Variants in ELAVL4 observed in about 807,000 individuals in gnomAD.
ELAVL4 encodes the protein ELAV like RNA binding protein 4, also known as ELAV-like protein 4.
ELAVL4 carries 1 observed loss-of-function variant against 35.6 expected under a neutral mutation model. The observed-to-expected ratio is 0.03, with a 90% confidence interval of 0.01 to 0.13. ELAVL4 has a LOEUF of 0.13. Among genes scored for constraint, ELAVL4 ranks in the 10% least tolerant of loss-of-function variants. The pLI, the probability that ELAVL4 is intolerant of heterozygous loss-of-function variation, is 1.00. For missense variants in ELAVL4, 267 were observed against 464.9 expected, an observed-to-expected ratio of 0.57 and a Z score of 3.91; for synonymous variants, 156 against 171.0, an observed-to-expected ratio of 0.91 and a Z score of 0.69.
intron 2 of ELAVL4, among the ~76,000 whole-genome samples, chr1:50,151,113 A>T (rs1674707519): frequency 6.6e-6 from 1 of 152,188 alleles, no homozygotes; most frequent in African/African-American, 2.4e-5. Context: ...ATTACTGGCC[A>T]ACGTGACTTA....
At chr1:50,099,784 C>T (rs1245503496), upstream of ELAVL4, among the ~76,000 whole-genome samples, 1 of 152,064 alleles carries the variant, frequency 6.6e-6, no homozygotes, top group Admixed American at 6.6e-5. Context: ...ACACCACTTC[C>T]AAGCCTGGAG....
chr1:50,155,330 C>G lies in ELAVL4; in HGVS notation c.250+10133C>G, dbSNP rs148972174. Among the ~76,000 whole-genome samples, 1,069 of 152,222 alleles carry G rather than the reference C, an allele frequency of 7.0e-3. 5 individuals are homozygous for G. The highest frequency in any genetic ancestry group is 0.024 in the Middle Eastern group (7 of 294). On this transcript the variant is annotated intron_variant, in intron 2 of 6. Coordinates refer to ENST00000371824, the MANE Select transcript of ELAVL4 (RefSeq NM_001144774.3). ...TCTCAAGTAGTTACCAGAATCCCCA[C>G]ACCCTCTCCCACCACTGGCCCTGTA...
chr1:50,136,219 A>G (rs778312423), intron 1 of ELAVL4, among the ~76,000 whole-genome samples: 3 of 152,144 alleles, frequency 2.0e-5, no homozygotes, highest in Non-Finnish European at 2.9e-5. Flanking sequence ...ACAAAAAAAA[A>G]TAATGTCTGT....
intron 2 of ELAVL4, among the ~76,000 whole-genome samples, chr1:50,173,669 G>A (rs930196135): frequency 7.9e-5 from 12 of 152,116 alleles, no homozygotes; most frequent in East Asian, 1.9e-4. Context: ...TTCAATAAAT[G>A]TAACTTTGAT....
rs1374158500 is a variant in ELAVL4, at chr1:50,201,031, C to T, written c.954C>T (p.Phe318=). ...AVNNVKVIRD[F]NTNKCKGFGF... ...ACAACGTAAAGGTGATTCGTGACTT[C>T]AACACCAACAAGTGCAAGGGATTCG... The change falls in exon 7 of 7, where the codon TTC becomes TTT. Residue 318 remains phenylalanine (F), a synonymous_variant. Transcript: ENST00000371824. This position sits in a 1 kb window ranked among gnomAD's most constrained non-coding sequence, Gnocchi z 4.3. 1.9e-6 allele frequency: 3 copies of T among 1,613,976 alleles called. No individual in the cohort carries two copies. The East Asian group carries it at 6.7e-5, about 36-fold the overall frequency.
chr1:50,077,083 C>T (rs755010279), intron 1 of ELAVL4, among the ~76,000 whole-genome samples: 4 of 152,114 alleles, frequency 2.6e-5, no homozygotes, highest in Non-Finnish European at 5.9e-5. Context: ...CTATACTGCA[C>T]AGCTTATCCT....
intron 1 of ELAVL4, among the ~76,000 whole-genome samples, chr1:50,088,305 C>T (rs979495241): frequency 6.6e-6 from 1 of 152,118 alleles, no homozygotes; most frequent in Non-Finnish European, 1.5e-5. Context: ...TAATTATAGG[C>T]GAATACACAT....
At chr1:50,132,786 A>G (rs1376199752) in intron 1 of ELAVL4, among the ~76,000 whole-genome samples, 1 of 152,164 alleles carries the variant, frequency 6.6e-6, no homozygotes, top group Non-Finnish European at 1.5e-5. Flanking sequence ...TTTCTTTTTT[A>G]AAAAACAACT....
At chr1:50,147,099 A>G (rs1167410038) in intron 2 of ELAVL4, among the ~76,000 whole-genome samples, 2 of 152,144 alleles carry the variant, frequency 1.3e-5, no homozygotes, top group Non-Finnish European at 2.9e-5. Context: ...AGAGACATAC[A>G]GTAGCATCTG....
chr1:50,093,126 TAAGTGGGGAC>T (rs1451835509), intron 1 of ELAVL4, among the ~76,000 whole-genome samples: 1 of 152,192 alleles, frequency 6.6e-6, no homozygotes, highest in Admixed American at 6.5e-5. Flanking sequence ...TCATCAAGGA[TAAGTGGGGAC>T]AAGTGTTCCA....
At chr1:50,179,682 A>AG (rs1469638711) in intron 3 of ELAVL4, 4 of 152,214 alleles carry the variant, frequency 2.6e-5, no homozygotes, top group African/African-American at 7.2e-5. Context: ...TACATTACAG[A>AG]GGTCTCAGGA....
intron 3 of ELAVL4, among the ~76,000 whole-genome samples, chr1:50,190,982 T>G (rs1226033989): frequency 6.6e-6 from 1 of 152,224 alleles, no homozygotes. Context: ...TTCCCGGCCC[T>G]TTTAACCTTT....
At chr1:50,113,220 CT>C (rs560487194) in intron 1 of ELAVL4, among the ~76,000 whole-genome samples, 12,328 of 144,062 alleles carry the variant, frequency 0.086, 1,431 homozygotes, top group African/African-American at 0.27. Context: ...CAGAGTAAGT[CT>C]TTTTTTTTTT....
chr1:50,055,285 GTTTTGTTTTTGT>G (rs570949851), intron 1 of ELAVL4, among the ~76,000 whole-genome samples: 34 of 149,306 alleles, frequency 2.3e-4, no homozygotes, highest in African/African-American at 4.4e-4. Flanking sequence ...TTTTTTTTTT[GTTTTGTTTTTGT>G]TTTTGTTTTT....
At chr1:50,197,610 A>T in intron 6 of ELAVL4, 143 bp downstream of exon 6, 1 of 679,912 alleles carries the variant, frequency 1.5e-6, no homozygotes, top group Non-Finnish European at 2.3e-6. Context: ...TCTTAATTTT[A>T]ATTTCGGACC....
chr1:50,145,120 C>G lies in ELAVL4; in HGVS notation c.173C>G (p.Thr58Ser), dbSNP rs1673469469. The change falls in exon 2 of 7, where the codon ACC (threonine) becomes AGC (serine). Residue 58 changes from threonine (T) to serine (S), a missense_variant. By Grantham distance (58) the Thr-to-Ser change is moderately conservative (BLOSUM62 1). Coordinates refer to ENST00000371824, the MANE Select transcript of ELAVL4 (RefSeq NM_001144774.3). ...LIVNYLPQNMTQEEFRSLFGS... is the reference protein window; with the variant it reads ...LIVNYLPQNMSQEEFRSLFGS... ...GTCAACTATTTACCCCAGAATATGA[C>G]CCAAGAAGAATTCAGGAGTCTCTTC... 1 of 1,613,944 alleles carries G rather than the reference C, an allele frequency of 6.2e-7. No individual in the cohort carries two copies. Among genetic ancestry groups the G allele is most frequent in the Non-Finnish European group, 8.5e-7 (1 of 1,179,924 alleles).
chr1:50,089,972 T>C (rs756718922), intron 1 of ELAVL4, among the ~76,000 whole-genome samples: 3 of 152,218 alleles, frequency 2.0e-5, no homozygotes, highest in East Asian at 1.9e-4. Flanking sequence ...TTAAGAGTCA[T>C]GTAAAAGCCT....
upstream of ELAVL4, chr1:50,105,636 G>T (rs1666241788): frequency 6.6e-6 from 1 of 152,158 alleles, no homozygotes; most frequent in Non-Finnish European, 1.5e-5. Flanking sequence ...GTTATATAGT[G>T]AACTGTTACT....
At chr1:50,136,828 A>T (rs1671964335) in intron 1 of ELAVL4, among the ~76,000 whole-genome samples, 1 of 152,164 alleles carries the variant, frequency 6.6e-6, no homozygotes, top group Admixed American at 6.5e-5. Flanking sequence ...TCTCCGCCAG[A>T]AAACCAGGAG....
Sources: gnomAD v4.1 joint callset for allele counts (sites outside exome capture counted in the v4.1 genomes callset) on GRCh38, gnomAD v4.1.1 for gene constraint, Gnocchi (gnomAD v3.1) non-coding constraint, MANE v1.5 for transcripts, NCBI Gene and HGNC (gene_info 2026-07-23, HGNC 2026-07-21) for gene names.